CLEC4A: variants seen among roughly 807,000 people sequenced by gnomAD.
The protein encoded by CLEC4A is C-type lectin domain family 4 member A.
CLEC4A carries 27 observed loss-of-function variants against 32.7 expected under a neutral mutation model. The observed-to-expected ratio is 0.83, with a 90% CI of 0.61 to 1.14. CLEC4A has a LOEUF of 1.14. Among genes scored for constraint, CLEC4A ranks in the 50% most tolerant of loss-of-function variants. The pLI, the probability that CLEC4A is intolerant of heterozygous loss-of-function variation, is 0.00. For missense variants in CLEC4A, 253 were observed against 274.6 expected, an observed-to-expected ratio of 0.92 and a Z score of 0.55; for synonymous variants, 89 against 93.7, an observed-to-expected ratio of 0.95 and a Z score of 0.29.
chr12:8,128,412 CTTTT>C (rs71042335), intron 2 of CLEC4A, among the ~76,000 whole-genome samples: 7 of 134,334 alleles, frequency 5.2e-5, no homozygotes, highest in Non-Finnish European at 6.6e-5. Context: ...AGTTCAATTT[CTTTT>C]TTTTTTTTTT....
In CLEC4A at chr12:8,134,973, G is replaced by GTTTTTTTTTTTTTT. The variant is rs371181779; in HGVS notation, c.299-607_299-606insTTTTTTTTTTTTTT. 72 of 318,790 alleles carry GTTTTTTTTTTTTTT rather than the reference G, an allele frequency of 2.3e-4. 3 individuals carry two copies. The highest frequency in any genetic ancestry group is 1.8e-3 in the African/African-American group (37 of 20,178). The allele number at this position is 318,790 out of a possible 1,614,324, so 19.7% of individuals were successfully genotyped here. ...CATGTCTGTATCTTCTTGTTGAAGC[G>GTTTTTTTTTTTTTT]TTTTTGTTTTTTGTTTTTTTTTAAT... is the stretch of plus-strand genomic sequence containing the variant. On this transcript the variant is annotated intron_variant, in intron 3 of 5. Coordinates refer to ENST00000229332, the MANE Select transcript of CLEC4A (RefSeq NM_016184.4).
In CLEC4A at chr12:8,123,928, A is replaced by G; in HGVS notation, c.50A>G (p.Lys17Arg). The G allele has an allele frequency of 6.2e-7, 1 of 1,613,156 alleles. No individual in the cohort carries two copies. The highest frequency in any genetic ancestry group is 8.5e-7 in the Non-Finnish European group (1 of 1,179,068). ...YAEVRFKNEF[K>R]SSGINTASSA... ...GAAGTGAGGTTCAAAAATGAATTCA[A>G]GTCCTCAGGCATCAACACAGCCTCT... is the stretch of plus-strand genomic sequence containing the variant. Residue 17 changes from lysine (K) to arginine (R), a missense_variant, in exon 1 of 6, where the codon AAG (lysine) becomes AGG (arginine). Lys to Arg is a conservative substitution (Grantham distance 26). Coordinates refer to ENST00000229332, the MANE Select transcript of CLEC4A (RefSeq NM_016184.4).
chr12:8,132,169 C>T (rs1285095187), intron 3 of CLEC4A, among the ~76,000 whole-genome samples: 1 of 152,098 alleles, frequency 6.6e-6, no homozygotes, highest in East Asian at 1.9e-4. Flanking sequence ...AACATATCAC[C>T]ACGTGTTTTT....
At chr12:8,118,322 A>T in the CLEC4A span, among the ~76,000 whole-genome samples, 1 of 152,180 alleles carries the variant, frequency 6.6e-6, no homozygotes, top group South Asian at 2.1e-4. Context: ...ATTTGTCCAT[A>T]AAAAAGAATG....
intron 3 of CLEC4A, among the ~76,000 whole-genome samples, chr12:8,129,583 C>T (rs892947315): frequency 1.1e-4 from 17 of 151,998 alleles, no homozygotes; most frequent in African/African-American, 4.1e-4. Context: ...ACAAGGTCAA[C>T]AGATCGAGAC....
chr12:8,134,581 C>T (rs1207710669), intron 3 of CLEC4A: 3 of 1,613,258 alleles, frequency 1.9e-6, no homozygotes, highest in Non-Finnish European at 2.5e-6. Context: ...TGAGAGGTCT[C>T]CAAGCCGTCT....
the CLEC4A span, among the ~76,000 whole-genome samples, chr12:8,114,260 TC>T: frequency 1.3e-5 from 2 of 152,190 alleles, no homozygotes; most frequent in Non-Finnish European, 2.9e-5. Flanking sequence ...CTTTTTTTTT[TC>T]TGAGATGGAG....
At chr12:8,131,487 C>T (rs745519993) in intron 3 of CLEC4A, among the ~76,000 whole-genome samples, 141 of 112,480 alleles carry the variant, frequency 1.3e-3, no homozygotes, top group African/African-American at 3.8e-3. Flanking sequence ...CACTGAGTTT[C>T]CTCTTGCTCA....
intron 3 of CLEC4A, chr12:8,134,639 C>G (rs762603291): frequency 1.9e-6 from 3 of 1,607,310 alleles, no homozygotes; most frequent in Admixed American, 3.4e-5. Flanking sequence ...ACGCCATCCC[C>G]CCGCAGAACT....
At chr12:8,131,994 C>A (rs896946611) in intron 3 of CLEC4A, among the ~76,000 whole-genome samples, 5 of 152,080 alleles carry the variant, frequency 3.3e-5, no homozygotes, top group Admixed American at 6.5e-5. Flanking sequence ...CTCTCCCTCC[C>A]CGGCTTGCTC....
rs1429191765 is a variant in CLEC4A at position 8,127,089 on chromosome 12, A to G, written c.199+1412A>G. Among the ~76,000 whole-genome samples, 7 of 152,216 alleles carry G rather than the reference A, an allele frequency of 4.6e-5. No homozygotes were observed. The East Asian group carries it at 1.2e-3, about 25-fold the overall frequency. ...TTAGCTCATAAATCTGTGTCTTGGCAATTGAGACTGGTGTCAGTTGGGAGA... is the reference window on the plus strand; with the variant it reads ...TTAGCTCATAAATCTGTGTCTTGGCGATTGAGACTGGTGTCAGTTGGGAGA... On this transcript the variant is annotated intron_variant, in intron 2 of 5. Coordinates refer to ENST00000229332, the MANE Select transcript of CLEC4A (RefSeq NM_016184.4).
chr12:8,125,785 A>G (rs777940486), intron 2 of CLEC4A, 108 bp downstream of exon 2: 21 of 698,008 alleles, frequency 3.0e-5, no homozygotes, highest in African/African-American at 3.6e-5. Context: ...CTGAAATGAA[A>G]TTTTCTCTGG....
chr12:8,137,026 T>A, intron 5 of CLEC4A, 123 bp downstream of exon 5: 1 of 564,548 alleles, frequency 1.8e-6, no homozygotes, highest in Non-Finnish European at 3.2e-6. Context: ...GGTACTAGGT[T>A]AAATAATTTC....
chr12:8,134,731 G>T (rs1174966787), intron 3 of CLEC4A: 2 of 1,563,928 alleles, frequency 1.3e-6, no homozygotes, highest in Non-Finnish European at 1.7e-6. Context: ...CCTCCAGGAG[G>T]GCCTTGGAAG....
chr12:8,108,074 C>A, the CLEC4A span, among the ~76,000 whole-genome samples: 2 of 152,112 alleles, frequency 1.3e-5, no homozygotes, highest in African/African-American at 4.8e-5. Context: ...CCCAGAGATT[C>A]TGGTATATTG....
chr12:8,136,122 A>C (rs546367245), intron 4 of CLEC4A, among the ~76,000 whole-genome samples: 2 of 152,374 alleles, frequency 1.3e-5, no homozygotes, highest in Admixed American at 1.3e-4. Flanking sequence ...AACACTCAGG[A>C]ATGAAAATAA....
chr12:8,137,015 G>A (rs1948133426), intron 5 of CLEC4A, 112 bp downstream of exon 5: 1 of 621,828 alleles, frequency 1.6e-6, no homozygotes, highest in Admixed American at 2.8e-5. Context: ...TTTAGCTCTT[G>A]GGTACTAGGT....
intron 3 of CLEC4A, 144 bp from the exon 4 acceptor site, chr12:8,135,441 G>C (rs1306810502): frequency 2.9e-5 from 21 of 719,830 alleles, no homozygotes; most frequent in East Asian, 8.4e-5. Context: ...TGACACCTGA[G>C]GGGCAGGGGC....
At chr12:8,103,807 C>G in the CLEC4A span, among the ~76,000 whole-genome samples, 5 of 152,124 alleles carry the variant, frequency 3.3e-5, no homozygotes, top group East Asian at 9.6e-4. Flanking sequence ...AATGCTCGCC[C>G]AAATACTACT....
Sources: allele counts gnomAD v4.1 joint callset (sites outside exome capture counted in the v4.1 genomes callset), GRCh38; gene constraint gnomAD v4.1.1; transcripts MANE v1.5; gene names NCBI Gene and HGNC (gene_info 2026-07-23, HGNC 2026-07-21).